Variants in NUCB1 observed in about 807,000 individuals in gnomAD.
NUCB1 encodes the protein nucleobindin-1.
NUCB1 carries 47 observed loss-of-function variants against 61.2 expected under a neutral mutation model. The ratio of observed to expected loss-of-function variants is 0.77; its 90% CI spans 0.61 to 0.98. The LOEUF is 0.98. NUCB1 is among the 50% of genes least tolerant of loss of function. NUCB1 has a pLI of 0.00. For synonymous variants in NUCB1, 234 were observed against 243.1 expected, an observed-to-expected ratio of 0.96 and a Z score of 0.35; for missense variants, 583 against 605.3, an observed-to-expected ratio of 0.96 and a Z score of 0.39.
At chr19:48,920,960 G>A (rs8103566) in intron 10 of NUCB1, among the ~76,000 whole-genome samples, 194 bp from the exon 11 acceptor site, 136,331 of 151,706 alleles carry the variant, frequency 0.9, 62,088 homozygotes, top group Non-Finnish European at 0.97. Flanking sequence ...GGGATTACAG[G>A]TGGGAGCCAT....
chr19:48,919,492 T>TTTAC (rs1375978123), intron 10 of NUCB1, among the ~76,000 whole-genome samples: 1 of 150,992 alleles, frequency 6.6e-6, no homozygotes, highest in Non-Finnish European at 1.5e-5. Flanking sequence ...TATTTATTTA[T>TTTAC]TCTGAGACGG....
chr19:48,903,454 GTGGT>G (rs2037374344), intron 2 of NUCB1, among the ~76,000 whole-genome samples: 2 of 99,608 alleles, frequency 2.0e-5, no homozygotes, highest in Non-Finnish European at 2.0e-5. Flanking sequence ...GGATGGATGG[GTGGT>G]TGGATGGATG....
In NUCB1 at chr19:48,912,604, C is replaced by T. The variant is rs10413142; in HGVS notation, c.481-407C>T. Among the ~76,000 whole-genome samples the T allele has an allele frequency of 1.1e-4, 17 of 151,762 alleles. 1 individual carries two copies. Among genetic ancestry groups the T allele is most frequent in the Admixed American group, 1.1e-3 (16 of 15,226 alleles). On this transcript the variant is annotated intron_variant, in intron 5 of 12. Coordinates refer to ENST00000405315, the MANE Select transcript of NUCB1 (RefSeq NM_006184.6). The stretch of plus-strand genomic sequence containing the variant: ...TAATCCCAGCACTTTGGGAGGCTGA[C>T]GTGGGCGGATCACCTGAGGTCAGGA...
rs564109919 is a variant in NUCB1, at chr19:48,919,229, G to T, written c.945G>T (p.Glu315Asp). Residue 315 changes from glutamate to aspartate, a missense_variant, in exon 10 of 13, where the codon GAG (glutamate) becomes GAT (aspartate). Transcript: ENST00000405315. ...ACCAGGACCGCCTCGTGACCCTGGA[G>T]GAGTTCCTCGCATCCACTCAGAGGA... ...DTNQDRLVTL[E>D]EFLASTQRKE... 8.1e-5 allele frequency: 131 copies of T among 1,613,980 alleles called. 2 individuals carry two copies. In the South Asian group the frequency reaches 1.3e-3, roughly 17 times the overall value.
chr19:48,903,763 T>G (rs1177006893), intron 2 of NUCB1, among the ~76,000 whole-genome samples: 23 of 138,310 alleles, frequency 1.7e-4, no homozygotes, highest in Admixed American at 5.7e-4. Flanking sequence ...GATGGGTGGG[T>G]GGATGAGTGG....
chr19:48,907,730 C>T (rs771259012), intron 4 of NUCB1, among the ~76,000 whole-genome samples: 23 of 152,214 alleles, frequency 1.5e-4, no homozygotes, highest in Non-Finnish European at 2.4e-4. Context: ...CCCTCCTCTG[C>T]CCAGAGCCTG....
intron 7 of NUCB1, among the ~76,000 whole-genome samples, chr19:48,915,309 T>G (rs961517242): frequency 1.4e-5 from 2 of 145,028 alleles, no homozygotes; most frequent in African/African-American, 5.2e-5. Context: ...CAAAACCCAG[T>G]CTCTACTAAA....
At chr19:48,920,297 G>A (rs1180207448) in intron 10 of NUCB1, among the ~76,000 whole-genome samples, 6 of 151,742 alleles carry the variant, frequency 4.0e-5, no homozygotes, top group African/African-American at 7.3e-5. Flanking sequence ...GCACATGCCA[G>A]CATGCCTAGC....
At chr19:48,904,821 C>T (rs1035538308) in intron 3 of NUCB1, among the ~76,000 whole-genome samples, 3 of 152,184 alleles carry the variant, frequency 2.0e-5, no homozygotes, top group African/African-American at 7.2e-5. Flanking sequence ...CATGCCTGAC[C>T]ATACTGGTTT....
Position 48,905,998 on chromosome 19 carries a change from G to A in NUCB1, c.376+113G>A, listed in dbSNP as rs529417421. The A allele has an allele frequency of 2.1e-4, 201 of 962,866 alleles. 3 individuals are homozygous for A. The African/African-American group carries it at 3.0e-3, about 14-fold the overall frequency. 59.6% of individuals were successfully genotyped at this position (962,866 alleles called of 1,614,324 possible). ...CAGGTGAGGCCTCCCTCCCCGCTGCGAAATGTGCTGAAATGTGCGTGGGAG... is the reference window on the plus strand; with the variant it reads ...CAGGTGAGGCCTCCCTCCCCGCTGCAAAATGTGCTGAAATGTGCGTGGGAG... On this transcript the variant is annotated intron_variant, in intron 4 of 12. Coordinates refer to ENST00000405315, the MANE Select transcript of NUCB1 (RefSeq NM_006184.6).
Position 48,911,045 on chromosome 19 carries a change from G to A in NUCB1, c.377-104G>A, listed in dbSNP as rs76789744. 3 of 772,954 alleles carry A rather than the reference G, an allele frequency of 3.9e-6. No homozygotes were observed. The Admixed American group carries it at 6.6e-5, about 17-fold the overall frequency. The allele number at this position is 772,954 out of a possible 1,614,324, so 47.9% of individuals were successfully genotyped here. On this transcript the variant is annotated intron_variant, in intron 4 of 12. Transcript: ENST00000405315. ...TGCCCCAGGTTCAAGCTGTCTTCTG[G>A]GCTTCCCTAGTGCTGTCCGTGACTT...
intron 5 of NUCB1, among the ~76,000 whole-genome samples, chr19:48,911,866 C>T (rs1220995120): frequency 6.6e-6 from 1 of 152,002 alleles, no homozygotes; most frequent in Non-Finnish European, 1.5e-5. Flanking sequence ...ATTGTTAACT[C>T]CATTTTACAG....
rs1482321712 is a variant in NUCB1, at chr19:48,919,270, C to T, written c.986C>T (p.Thr329Ile). The change falls in exon 10 of 13, where the codon ACC (threonine) becomes ATC (isoleucine). Residue 329 changes from threonine to isoleucine, a missense_variant. Physicochemically the swap from Thr to Ile is moderately conservative, Grantham distance 89. Coordinates refer to ENST00000405315, the MANE Select transcript of NUCB1 (RefSeq NM_006184.6). ...ACTCAGAGGAAGGAGTTTGGGGACA[C>T]CGGGGAGGGCTGGGAGGTGAGAACA... ...ASTQRKEFGD[T>I]GEGWETVEMH... The T allele has an allele frequency of 6.2e-7, 1 of 1,613,538 alleles. No individual in the cohort carries two copies. Among genetic ancestry groups the T allele is most frequent in the Non-Finnish European group, 8.5e-7 (1 of 1,179,642 alleles).
intron 7 of NUCB1, among the ~76,000 whole-genome samples, chr19:48,915,439 G>T (rs2037528744): frequency 6.6e-6 from 1 of 152,076 alleles, no homozygotes; most frequent in South Asian, 2.1e-4. Flanking sequence ...CGGAAGGCGG[G>T]GGTTGCAATG....
In NUCB1 at chr19:48,912,977, G is replaced by A. The variant is rs566006368; in HGVS notation, c.481-34G>A. ...GCTGGAATTGGGGGCTGGGCAGAGGGGGCAGAGGGGAATGACCCTGTGCCT... is the reference window on the plus strand; with the variant it reads ...GCTGGAATTGGGGGCTGGGCAGAGGAGGCAGAGGGGAATGACCCTGTGCCT... On this transcript the variant is annotated intron_variant, in intron 5 of 12. Transcript: ENST00000405315. The A allele has an allele frequency of 3.9e-6, 6 of 1,543,182 alleles. No individual in the cohort carries two copies. The East Asian group carries it at 1.1e-4, about 29-fold the overall frequency.
chr19:48,918,587 C>T (rs535749167), intron 7 of NUCB1, 139 bp from the exon 8 acceptor site: 2 of 707,586 alleles, frequency 2.8e-6, no homozygotes, highest in East Asian at 2.6e-5. Flanking sequence ...AGCCTGGGGG[C>T]CACCGTTCCA....
intron 7 of NUCB1, among the ~76,000 whole-genome samples, chr19:48,914,104 T>C (rs2037511618): frequency 6.6e-6 from 1 of 151,414 alleles, no homozygotes; most frequent in African/African-American, 2.4e-5. Context: ...GCCTCCCGAG[T>C]AGCTGGGATT....
Position 48,900,768 on chromosome 19 carries a change from G to C in NUCB1, c.-11-18G>C. ...TGGGACAGACATTATGCATTATCCAGCCCTCCATCCCCCACAGACCACACT... is the reference window on the plus strand; with the variant it reads ...TGGGACAGACATTATGCATTATCCACCCCTCCATCCCCCACAGACCACACT... On this transcript the variant is annotated intron_variant, in intron 1 of 12. Transcript: ENST00000405315. 6.2e-7 allele frequency: 1 copy of C among 1,611,298 alleles called. No individual in the cohort carries two copies. Among genetic ancestry groups the C allele is most frequent in the Non-Finnish European group, 8.5e-7 (1 of 1,178,530 alleles).
intron 7 of NUCB1, 127 bp from the exon 8 acceptor site, chr19:48,918,599 C>A: frequency 1.3e-6 from 1 of 757,136 alleles, no homozygotes; most frequent in Non-Finnish European, 2.4e-6. Flanking sequence ...ACCGTTCCAC[C>A]GCGGGAGACC....
Sources: allele counts gnomAD v4.1 joint callset (sites outside exome capture counted in the v4.1 genomes callset), GRCh38; gene constraint gnomAD v4.1.1; transcripts MANE v1.5; gene names NCBI Gene and HGNC (gene_info 2026-07-23, HGNC 2026-07-21).